TCL1B: variants seen among roughly 807,000 people sequenced by gnomAD.
TCL1B encodes TCL1 family AKT coactivator B.
A neutral mutation model predicts 16.9 loss-of-function variants in TCL1B; 14 were observed. The ratio of observed to expected loss-of-function variants is 0.83; its 90% CI spans 0.55 to 1.30. The LOEUF is 1.30. Among genes scored for constraint, TCL1B ranks in the 50% most tolerant of loss-of-function variants. The pLI, the probability that TCL1B is intolerant of heterozygous loss-of-function variation, is 0.00. For missense variants in TCL1B, 166 were observed against 165.2 expected (o/e 1.00, Z -0.03); for synonymous variants, 79 against 66.6 (o/e 1.19, Z -0.91).
At chr14:95,686,781 C>A in intron 1 of TCL1B, 152 bp downstream of exon 1, 1 of 946,576 alleles carries the variant, frequency 1.1e-6, no homozygotes, top group Non-Finnish European at 1.5e-6. Context: ...TGTCCATGCC[C>A]AGCCCTGGCC....
At chr14:95,686,662 A>G in intron 1 of TCL1B, 33 bp downstream of exon 1, 1 of 1,578,286 alleles carries the variant, frequency 6.3e-7, no homozygotes, top group Non-Finnish European at 8.6e-7. Flanking sequence ...GGCTGTGGGG[A>G]GGGCTGCGCA....
intron 3 of TCL1B, 73 bp downstream of exon 3, chr14:95,691,409 G>A: frequency 7.0e-7 from 1 of 1,429,102 alleles, no homozygotes; most frequent in Non-Finnish European, 9.6e-7. Context: ...TTTTCAGAAA[G>A]ACGGCGTGGC....
At chr14:95,689,909 A>T (rs1566740370) in intron 1 of TCL1B, among the ~76,000 whole-genome samples, 1 of 152,226 alleles carries the variant, frequency 6.6e-6, no homozygotes, top group Non-Finnish European at 1.5e-5. Context: ...TGTGCAAAAG[A>T]CTTTCCATTT....
intron 1 of TCL1B, among the ~76,000 whole-genome samples, chr14:95,687,996 C>T (rs1239497114): frequency 6.8e-6 from 1 of 146,490 alleles, no homozygotes; most frequent in Non-Finnish European, 1.5e-5. Context: ...GTAAACAATT[C>T]ACTGCCTGTT....
Position 95,686,432 on chromosome 14 carries a change from G to T in TCL1B, c.-36G>T. On this transcript the variant is annotated 5_prime_UTR_variant, in exon 1 of 4. Transcript: ENST00000340722. ...ATTGCGCAGCTGGAAAGCTACACGTGTGAGCCTAGAGGCGGGTCCCGGTTG... is the reference window on the plus strand; with the variant it reads ...ATTGCGCAGCTGGAAAGCTACACGTTTGAGCCTAGAGGCGGGTCCCGGTTG... The T allele has an allele frequency of 6.3e-7, 1 of 1,574,908 alleles. No homozygotes were observed. Among genetic ancestry groups the T allele is most frequent in the Non-Finnish European group, 8.6e-7 (1 of 1,162,838 alleles).
chr14:95,689,581 T>C (rs944765868), intron 1 of TCL1B, among the ~76,000 whole-genome samples: 3 of 152,352 alleles, frequency 2.0e-5, no homozygotes, highest in African/African-American at 7.2e-5. Context: ...GCTCTGCTAT[T>C]GCAGTGCAAA....
intron 1 of TCL1B, among the ~76,000 whole-genome samples, chr14:95,688,489 G>A (rs1055742529): frequency 5.9e-5 from 9 of 152,128 alleles, no homozygotes; most frequent in East Asian, 1.9e-4. Flanking sequence ...CTGTAAAATG[G>A]TGCAGCCACT....
chr14:95,689,054 A>T (rs1885821788), intron 1 of TCL1B, among the ~76,000 whole-genome samples: 2 of 152,146 alleles, frequency 1.3e-5, no homozygotes, highest in Admixed American at 1.3e-4. Context: ...TGGGGGGCCG[A>T]GGCGGGCGGA....
At chr14:95,691,581 G>A (rs866588143) in intron 3 of TCL1B, 1 of 399,118 alleles carries the variant, frequency 2.5e-6, no homozygotes, top group Non-Finnish European at 4.5e-6. Flanking sequence ...ATCCTTGTGA[G>A]AATTTTGTGA....
rs534141432 is a variant in TCL1B, at chr14:95,688,007, T to C, written c.162+1378T>C. Among the ~76,000 whole-genome samples the C allele has an allele frequency of 1.4e-4, 21 of 151,054 alleles. No individual in the cohort carries two copies. In the East Asian group the frequency reaches 3.7e-3, roughly 27 times the overall value. ...CTTCGTAAACAATTCACTGCCTGTT[T>C]GTTTGTTTTTTGAGAAAGTCTTGCT... On this transcript the variant is annotated intron_variant, in intron 1 of 3. Transcript: ENST00000340722.
chr14:95,689,489 G>A (rs1236020674), intron 1 of TCL1B: 2 of 152,158 alleles, frequency 1.3e-5, no homozygotes, highest in African/African-American at 2.4e-5. Context: ...CACATCTAAT[G>A]CAAAGATCAG....
chr14:95,690,815 T>C lies in TCL1B; in HGVS notation c.242T>C (p.Phe81Ser). ...CTACTCTCCTCCGGCCAGATGCCCTTCTCCCAGCTGCCCGCCGTGTGGCAG... is the reference window on the plus strand; with the variant it reads ...CTACTCTCCTCCGGCCAGATGCCCTCCTCCCAGCTGCCCGCCGTGTGGCAG... Reference protein sequence around the residue: ...RELLSSGQMPFSQLPAVWQLY... With the variant: ...RELLSSGQMPSSQLPAVWQLY... Residue 81 changes from phenylalanine to serine, a missense_variant, in exon 2 of 4, where the codon TTC becomes TCC. Coordinates refer to ENST00000340722, the MANE Select transcript of TCL1B (RefSeq NM_004918.4). 6.2e-7 allele frequency: 1 copy of C among 1,614,098 alleles called. No homozygotes were observed. The highest frequency in any genetic ancestry group is 8.5e-7 in the Non-Finnish European group (1 of 1,179,924).
Position 95,689,034 on chromosome 14 carries a change from C to T in TCL1B, c.163-1702C>T, listed in dbSNP as rs192072592. On this transcript the variant is annotated intron_variant, in intron 1 of 3. Coordinates refer to ENST00000340722, the MANE Select transcript of TCL1B (RefSeq NM_004918.4). ...GGGTGCGGTGGCTCACGCCTGTAAT[C>T]CCAGCACTTTGGGGGGCCGAGGCGG... is the stretch of plus-strand genomic sequence containing the variant. Among the ~76,000 whole-genome samples the T allele has an allele frequency of 5.5e-3, 842 of 152,252 alleles. 10 individuals are homozygous for T. The highest frequency in any genetic ancestry group is 0.019 in the African/African-American group (801 of 41,570).
chr14:95,689,507 T>C (rs1885838387), intron 1 of TCL1B: 1 of 152,210 alleles, frequency 6.6e-6, no homozygotes, highest in Admixed American at 6.5e-5. Context: ...CAGCCACCTT[T>C]TTCTGTAAAG....
At chr14:95,688,739 G>A (rs112617426) in intron 1 of TCL1B, among the ~76,000 whole-genome samples, 2,566 of 152,250 alleles carry the variant, frequency 0.017, 68 homozygotes, top group African/African-American at 0.059. Flanking sequence ...TCAGACACAC[G>A]GATGAAACTT....
chr14:95,691,578 T>A (rs563509624), intron 3 of TCL1B: 1 of 403,760 alleles, frequency 2.5e-6, no homozygotes, highest in East Asian at 4.1e-5. Context: ...TTAATCCTTG[T>A]GAGAATTTTG....
intron 1 of TCL1B, among the ~76,000 whole-genome samples, chr14:95,687,038 G>A (rs2139702916): frequency 6.6e-6 from 1 of 152,258 alleles, no homozygotes; most frequent in Middle Eastern, 3.4e-3. Context: ...GCACCAGGTG[G>A]GCCAACAGGA....
chr14:95,690,703 C>T (rs771216183), intron 1 of TCL1B, 33 bp from the exon 2 acceptor site: 1 of 1,590,116 alleles, frequency 6.3e-7, no homozygotes, highest in Non-Finnish European at 8.6e-7. Flanking sequence ...GAACCCTATC[C>T]ATGATTTGCC....
At chr14:95,688,217 G>T (rs1261783195) in intron 1 of TCL1B, 2 of 151,046 alleles carry the variant, frequency 1.3e-5, no homozygotes, top group African/African-American at 4.9e-5. Context: ...GGCTGGTTTT[G>T]AACTCCTGAC....
Sources: gnomAD v4.1 joint callset for allele counts (sites outside exome capture counted in the v4.1 genomes callset) on GRCh38, gnomAD v4.1.1 for gene constraint, MANE v1.5 for transcripts, NCBI Gene and HGNC (gene_info 2026-07-23, HGNC 2026-07-21) for gene names.